Variants in CTXND1 observed in about 807,000 individuals in gnomAD.
CTXND1 encodes the protein cortexin domain containing 1.
intron 1 of CTXND1, among the ~76,000 whole-genome samples, chr15:80,247,316 C>G (rs1893643701): frequency 1.3e-5 from 2 of 152,178 alleles, no homozygotes; most frequent in Admixed American, 1.3e-4. Context: ...TCATCCCCAT[C>G]AACTATGCTT....
chr15:80,225,852 G>A (rs1473981344), intron 1 of CTXND1, among the ~76,000 whole-genome samples: 2 of 152,156 alleles, frequency 1.3e-5, no homozygotes, highest in African/African-American at 4.8e-5. Context: ...TTGAGATGCT[G>A]GTTATCCTCA....
At chr15:80,238,008 C>CAAAAAAAAAAAA (rs57718635) in intron 1 of CTXND1, among the ~76,000 whole-genome samples, 3 of 77,098 alleles carry the variant, frequency 3.9e-5, no homozygotes, top group Admixed American at 1.5e-4. Context: ...GACTCCATCT[C>CAAAAAAAAAAAA]AAAAAAAAAA....
intron 1 of CTXND1, among the ~76,000 whole-genome samples, chr15:80,216,227 C>T (rs750033354): frequency 2.6e-5 from 4 of 152,184 alleles, no homozygotes; most frequent in Non-Finnish European, 5.9e-5. Flanking sequence ...TGGCTCTACT[C>T]CTGCTGGACA....
At chr15:80,214,849 T>C (rs1893235182) in intron 1 of CTXND1, among the ~76,000 whole-genome samples, 1 of 152,198 alleles carries the variant, frequency 6.6e-6, no homozygotes, top group Non-Finnish European at 1.5e-5. Flanking sequence ...TTCTTTAAAA[T>C]AGTTTGAACC....
At chr15:80,217,749 G>A (rs1399512470) in intron 1 of CTXND1, among the ~76,000 whole-genome samples, 1 of 151,974 alleles carries the variant, frequency 6.6e-6, no homozygotes, top group Non-Finnish European at 1.5e-5. Flanking sequence ...GTTTCACCAT[G>A]TTGCCCAGGC....
chr15:80,222,311 C>A (rs1011391933), intron 1 of CTXND1, among the ~76,000 whole-genome samples: 4 of 152,120 alleles, frequency 2.6e-5, no homozygotes. Context: ...TTATACCACT[C>A]TTATTTCATC....
rs191140849 is a variant in CTXND1 at position 80,242,418 on chromosome 15, G to A, written c.-218+9589C>T. Among the ~76,000 whole-genome samples, 13 of 152,350 alleles carry A rather than the reference G, an allele frequency of 8.5e-5. No individual in the cohort carries two copies. In the East Asian group the frequency reaches 1.9e-3, roughly 23 times the overall value. ...GAAGGGGAGGCAGAGATATGGCCCC[G>A]TCTGGCGCCTCCTCAACCAGAATGG... On this transcript the variant is annotated intron_variant, in intron 1 of 2. Coordinates refer to ENST00000560778, the MANE Select transcript of CTXND1 (RefSeq NM_001352888.2).
At position 80,201,745 on chromosome 15, in the gene CTXND1, G is replaced by T. The variant is rs1470177974; in HGVS notation, c.*25C>A. 18 of 398,706 alleles carry T rather than the reference G, an allele frequency of 4.5e-5. No individual in the cohort carries two copies. The Admixed American group carries it at 6.6e-4, about 15-fold the overall frequency. 24.7% of individuals were successfully genotyped at this position (398,706 alleles called of 1,614,324 possible). On this transcript the variant is annotated 3_prime_UTR_variant, in exon 3 of 3. Coordinates refer to ENST00000560778, the MANE Select transcript of CTXND1 (RefSeq NM_001352888.2). ...GGCACAGCCACCCACAGAGCGCCAG[G>T]TCCAGTCCCCACAGCCGCTGTGCCT...
chr15:80,197,405 A>G lies in CTXND1; in HGVS notation c.*4365T>C, dbSNP rs888545714. On this transcript the variant is annotated 3_prime_UTR_variant, in exon 3 of 3. Transcript: ENST00000560778. ...GTTTTACTGTTCCCTGTTGTTTTCCATACCCTTGCCCAACCTCTGTAAATA... is the reference window on the plus strand; with the variant it reads ...GTTTTACTGTTCCCTGTTGTTTTCCGTACCCTTGCCCAACCTCTGTAAATA... 1 of 152,112 alleles carries G rather than the reference A, an allele frequency of 6.6e-6. No homozygotes were observed. Among genetic ancestry groups the G allele is most frequent in the Admixed American group, 6.6e-5 (1 of 15,264 alleles). The allele number at this position is 152,112 out of a possible 1,614,324, so 9.4% of individuals were successfully genotyped here. A position where few individuals can be genotyped will look rare whatever the true frequency, so the allele number is the denominator to read the frequency against.
chr15:80,221,836 C>T (rs1893322914), intron 1 of CTXND1, among the ~76,000 whole-genome samples: 1 of 152,044 alleles, frequency 6.6e-6, no homozygotes, highest in African/African-American at 2.4e-5. Flanking sequence ...TCTATGTAGT[C>T]TCAAGTTTAT....
At chr15:80,233,107 A>G (rs940213130) in intron 1 of CTXND1, among the ~76,000 whole-genome samples, 6 of 151,726 alleles carry the variant, frequency 4.0e-5, no homozygotes, top group African/African-American at 1.5e-4. Context: ...ACGCCTGGCT[A>G]ATTTTTGTAT....
rs1054756013 is a variant in CTXND1 at position 80,201,706 on chromosome 15, C to G, written c.*64G>C. 1.5e-5 allele frequency: 6 copies of G among 398,170 alleles called. No individual in the cohort carries two copies. The highest frequency in any genetic ancestry group is 1.2e-4 in the African/African-American group (6 of 48,626). 24.7% of individuals were successfully genotyped at this position (398,170 alleles called of 1,614,324 possible). A position where few individuals can be genotyped will look rare whatever the true frequency, so the allele number is the denominator to read the frequency against. ...GGATGGCAGGCTGGCAGGGAACACA[C>G]GGATGCATCCTGGGGCACAGCCACC... On this transcript the variant is annotated 3_prime_UTR_variant, in exon 3 of 3. Transcript: ENST00000560778.
At chr15:80,211,973 C>T (rs1183820297) in intron 1 of CTXND1, among the ~76,000 whole-genome samples, 1 of 152,198 alleles carries the variant, frequency 6.6e-6, no homozygotes, top group Non-Finnish European at 1.5e-5. Context: ...CCTTAGACTA[C>T]TAGAGCTGCT....
In CTXND1 at chr15:80,203,663, TG is replaced by T. The variant is rs1458470489; in HGVS notation, c.-141del. On this transcript the variant is annotated 5_prime_UTR_variant, in exon 2 of 3. Transcript: ENST00000560778. ...AGGCACGAGGAGCGGTCAGGCATCA[TG>T]GGGGTCACCCAAGGAGAACAGTGGC... 6.6e-6 allele frequency: 1 copy of T among 152,350 alleles called. No homozygotes were observed. The highest frequency in any genetic ancestry group is 2.4e-5 in the African/African-American group (1 of 41,416). The allele number at this position is 152,350 out of a possible 1,614,324, so 9.4% of individuals were successfully genotyped here. A position where few individuals can be genotyped will look rare whatever the true frequency, so the allele number is the denominator to read the frequency against.
chr15:80,245,104 C>T (rs530070902), intron 1 of CTXND1, among the ~76,000 whole-genome samples: 1 of 152,138 alleles, frequency 6.6e-6, no homozygotes, highest in Non-Finnish European at 1.5e-5. Flanking sequence ...TTGTGGAATG[C>T]ACTGAGGACA....
intron 1 of CTXND1, among the ~76,000 whole-genome samples, chr15:80,221,293 A>G (rs191378104): frequency 1.2e-4 from 18 of 152,330 alleles, no homozygotes; most frequent in Admixed American, 9.8e-4. Flanking sequence ...TTCTTTGCAC[A>G]TTGCCACTTT....
intron 1 of CTXND1, among the ~76,000 whole-genome samples, chr15:80,221,155 C>T (rs578235075): frequency 4.1e-4 from 62 of 152,024 alleles, no homozygotes; most frequent in Admixed American, 1.9e-3. Flanking sequence ...GTGATCCGCC[C>T]GCCTCGGCCT....
intron 1 of CTXND1, among the ~76,000 whole-genome samples, chr15:80,224,368 A>T (rs1893350837): frequency 6.6e-6 from 1 of 152,250 alleles, no homozygotes; most frequent in Non-Finnish European, 1.5e-5. Flanking sequence ...CTTTAGCTAC[A>T]CAGCAACAGG....
intron 1 of CTXND1, among the ~76,000 whole-genome samples, chr15:80,242,019 T>C (rs901600530): frequency 2.0e-5 from 3 of 152,214 alleles, no homozygotes; most frequent in African/African-American, 7.2e-5. Context: ...TCCTGTTTTA[T>C]AGATGAGGAG....
Sources: gnomAD v4.1 joint callset for allele counts (sites outside exome capture counted in the v4.1 genomes callset) on GRCh38, gnomAD v4.1.1 for gene constraint, MANE v1.5 for transcripts, NCBI Gene and HGNC (gene_info 2026-07-23, HGNC 2026-07-21) for gene names.